Variants in HMCN1 observed in about 807,000 individuals in gnomAD.
HMCN1 encodes hemicentin 1, also known as hemicentin-1.
In HMCN1, 321 loss-of-function variants were observed where a neutral mutation model predicts 625.9. That is an observed-to-expected ratio of 0.51 (90% confidence interval 0.47 to 0.56). HMCN1 has a LOEUF of 0.56. Among genes scored for constraint, HMCN1 ranks in the 20% least tolerant of loss-of-function variants. The pLI, the probability that HMCN1 is intolerant of heterozygous loss-of-function variation, is 0.00. For missense variants in HMCN1, 6,588 were observed against 6,887.3 expected (o/e 0.96, Z 1.54); for synonymous variants, 2,425 against 2,417.6 (o/e 1.00, Z -0.09).
At chr1:185,909,941 G>A (rs1055776484) in intron 5 of HMCN1, among the ~76,000 whole-genome samples, 2 of 151,908 alleles carry the variant, frequency 1.3e-5, no homozygotes, top group African/African-American at 2.4e-5. Context: ...TTTTACAGAA[G>A]ATATTTGTTA....
At chr1:186,095,715 T>C (rs548645546) in intron 68 of HMCN1, among the ~76,000 whole-genome samples, 194 bp downstream of exon 68, 1 of 152,286 alleles carries the variant, frequency 6.6e-6, no homozygotes, top group African/African-American at 2.4e-5. Flanking sequence ...TTGTATTTTT[T>C]ATCTCTCTGA....
intron 9 of HMCN1, among the ~76,000 whole-genome samples, chr1:185,928,084 G>A (rs375794097): frequency 6.6e-6 from 1 of 152,142 alleles, no homozygotes; most frequent in East Asian, 1.9e-4. Context: ...TCTAAGTGGA[G>A]CTTATCTAAA....
intron 30 of HMCN1, among the ~76,000 whole-genome samples, chr1:186,008,606 A>C (rs917409668): frequency 6.6e-6 from 1 of 152,126 alleles, no homozygotes; most frequent in Non-Finnish European, 1.5e-5. Flanking sequence ...AACCACTGCC[A>C]CTGACTAGCT....
chr1:185,939,361 G>A (rs996373818), intron 11 of HMCN1, among the ~76,000 whole-genome samples: 1 of 152,172 alleles, frequency 6.6e-6, no homozygotes, highest in Non-Finnish European at 1.5e-5. Flanking sequence ...ATCCCCTCAA[G>A]CAGGGTTTAC....
At chr1:186,079,472 A>G (rs1240297373) in intron 55 of HMCN1, among the ~76,000 whole-genome samples, 2 of 152,164 alleles carry the variant, frequency 1.3e-5, no homozygotes, top group African/African-American at 4.8e-5. Context: ...CCTTCTACAG[A>G]CAATAGTGGC....
intron 68 of HMCN1, among the ~76,000 whole-genome samples, chr1:186,099,230 T>C (rs1488305293): frequency 6.6e-6 from 1 of 152,110 alleles, no homozygotes; most frequent in Non-Finnish European, 1.5e-5. Context: ...ATTTGATAAT[T>C]ACACAATGTA....
At chr1:185,969,787 T>G (rs879740097) in intron 14 of HMCN1, among the ~76,000 whole-genome samples, 1 of 152,220 alleles carries the variant, frequency 6.6e-6, no homozygotes, top group Non-Finnish European at 1.5e-5. Context: ...GTGGTCATCC[T>G]GATTAATTCT....
chr1:185,908,445 C>G (rs549617787), intron 4 of HMCN1, among the ~76,000 whole-genome samples: 3 of 151,764 alleles, frequency 2.0e-5, no homozygotes, highest in African/African-American at 7.3e-5. Context: ...TTAAAAGATA[C>G]GTAAACCAGA....
intron 46 of HMCN1, among the ~76,000 whole-genome samples, chr1:186,057,758 T>C (rs1440762610): frequency 1.3e-5 from 2 of 151,998 alleles, no homozygotes; most frequent in Non-Finnish European, 2.9e-5. Flanking sequence ...GTATATAAAA[T>C]ACTTCTATAA....
chr1:186,112,688 A>G (rs764588110), intron 71 of HMCN1, 124 bp from the exon 72 acceptor site: 108 of 1,167,544 alleles, frequency 9.3e-5, no homozygotes, highest in Admixed American at 1.4e-4. Context: ...GTGGAGGAGC[A>G]GACAAAGCAT....
rs1649842726 is a variant in HMCN1, at chr1:186,139,845, G to C, written c.13924+1873G>C. 2.0e-5 allele frequency among the ~76,000 whole-genome samples: 3 copies of C among 152,066 alleles called. No homozygotes were observed. In the South Asian group the frequency reaches 6.2e-4, roughly 32 times the overall value. ...ACAAGTTTTCCTCCTCACCCCTAGAGAGCTGGTTGTTAAATATTTCTCAGC... is the reference window on the plus strand; with the variant it reads ...ACAAGTTTTCCTCCTCACCCCTAGACAGCTGGTTGTTAAATATTTCTCAGC... On this transcript the variant is annotated intron_variant, in intron 89 of 106. Coordinates refer to ENST00000271588, the MANE Select transcript of HMCN1 (RefSeq NM_031935.3).
intron 1 of HMCN1, among the ~76,000 whole-genome samples, chr1:185,757,849 A>G (rs1031055411): frequency 2.0e-5 from 3 of 152,050 alleles, no homozygotes; most frequent in Non-Finnish European, 1.5e-5. Flanking sequence ...TGGAGTCCCC[A>G]GTGTATTTAA....
At chr1:185,955,378 G>GA (rs371044222) in intron 11 of HMCN1, among the ~76,000 whole-genome samples, 1 of 151,444 alleles carries the variant, frequency 6.6e-6, no homozygotes, top group African/African-American at 2.4e-5. Flanking sequence ...AATGCATAGA[G>GA]AAAAAAAAGA....
intron 1 of HMCN1, among the ~76,000 whole-genome samples, chr1:185,774,445 CTT>C (rs902607903): frequency 1.3e-5 from 2 of 152,114 alleles, no homozygotes; most frequent in African/African-American, 4.8e-5. Flanking sequence ...TCATGGCTAA[CTT>C]TTTATTTTTC....
intron 53 of HMCN1, among the ~76,000 whole-genome samples, chr1:186,076,064 T>C (rs1658792935): frequency 6.6e-6 from 1 of 152,194 alleles, no homozygotes; most frequent in Non-Finnish European, 1.5e-5. Context: ...ATGCTCTCAA[T>C]TGAACCAGTA....
rs776022515 is a variant in HMCN1, at chr1:186,081,262, G to A, written c.8655G>A (p.Leu2885=). 4.3e-6 allele frequency: 7 copies of A among 1,613,800 alleles called. No individual in the cohort carries two copies. In the South Asian group the frequency reaches 6.6e-5, roughly 15 times the overall value. The change falls in exon 56 of 107, where the codon CTG becomes CTA. Residue 2885 remains leucine (L), a synonymous_variant. Coordinates refer to ENST00000271588, the MANE Select transcript of HMCN1 (RefSeq NM_031935.3). ...ATCTCCCTGAAGAGGTCACCGTGCT[G>A]GTGAACAAGAGTGCACTGATAGAGT... ...NSDLPEEVTV[L]VNKSALIECL...
At chr1:186,092,058 A>G (rs999397071) in intron 64 of HMCN1, among the ~76,000 whole-genome samples, 4 of 151,978 alleles carry the variant, frequency 2.6e-5, no homozygotes, top group Non-Finnish European at 5.9e-5. Flanking sequence ...TATATGGGCT[A>G]TAAAGATAAG....
rs60205431 is a variant in HMCN1, at chr1:185,919,074, C to CATATATAT, written c.901-3295_901-3288dup. On this transcript the variant is annotated intron_variant, in intron 6 of 106. Coordinates refer to ENST00000271588, the MANE Select transcript of HMCN1 (RefSeq NM_031935.3). ...AATTTTGGCCTCACTAATTTTAGGA[C>CATATATAT]ATATATATATATATATAATTTTATT... 7.8e-3 allele frequency among the ~76,000 whole-genome samples: 1,141 copies of CATATATAT among 146,112 alleles called. 24 individuals carry two copies. The highest frequency in any genetic ancestry group is 0.027 in the African/African-American group (1,069 of 38,920).
At chr1:185,968,520 A>G (rs1055009984) in intron 14 of HMCN1, among the ~76,000 whole-genome samples, 24 of 151,226 alleles carry the variant, frequency 1.6e-4, no homozygotes, top group Admixed American at 2.6e-4. Flanking sequence ...CATAATCCAC[A>G]TAAAAATTCA....
Sources: gnomAD v4.1 joint callset for allele counts (sites outside exome capture counted in the v4.1 genomes callset) on GRCh38, gnomAD v4.1.1 for gene constraint, MANE v1.5 for transcripts, NCBI Gene and HGNC (gene_info 2026-07-23, HGNC 2026-07-21) for gene names.